The following MFSD8 variants were observed in gnomAD, a reference collection of about 807,000 sequenced individuals.
The protein encoded by MFSD8 is major facilitator superfamily domain containing 8.
In MFSD8, 55 loss-of-function variants were observed where a neutral mutation model predicts 66.4. The observed-to-expected ratio is 0.83, with a 90% CI of 0.67 to 1.04. MFSD8 has a LOEUF of 1.04. Ranked by LOEUF, MFSD8 falls within the 50% of genes least tolerant of loss-of-function variation. The probability of loss-of-function intolerance (pLI) is 0.00; values close to 1 mark genes in which losing one functional copy is unlikely to be tolerated. For missense variants in MFSD8, 550 were observed against 627.6 expected, an observed-to-expected ratio of 0.88 and a Z score of 1.32; for synonymous variants, 202 against 212.8, an observed-to-expected ratio of 0.95 and a Z score of 0.44.
At position 127,942,142 on chromosome 4, in the gene MFSD8, A is replaced by C; in HGVS notation, c.456T>G (p.Val152=). The C allele has an allele frequency of 6.2e-7, 1 of 1,612,218 alleles. No individual in the cohort carries two copies. Among genetic ancestry groups the C allele is most frequent in the Non-Finnish European group, 8.5e-7 (1 of 1,178,370 alleles). The change falls in exon 5 of 12, where the codon GTT becomes GTG. Residue 152 remains valine, a synonymous_variant. Transcript: ENST00000641686. ...LGIGAGNVAV[V]RSYTAGATSL... is the part of the protein sequence containing the mutation. ...AAGTAGCACCAGCAGTATATGATCT[A>C]ACAACTGCTACATTTCCTTAAAAAC... is the stretch of plus-strand genomic sequence containing the variant.
At chr4:127,942,183 A>G (rs770315445) in intron 4 of MFSD8, 25 bp from the exon 5 acceptor site, 1 of 1,490,446 alleles carries the variant, frequency 6.7e-7, no homozygotes, top group Non-Finnish European at 9.4e-7. Context: ...ACAATAATCC[A>G]AAGTAAAAGA....
intron 3 of MFSD8, chr4:127,945,477 G>A (rs1304677535): frequency 6.6e-6 from 1 of 151,828 alleles, no homozygotes; most frequent in African/African-American, 2.4e-5. Context: ...GCCACCACGT[G>A]GGCACAGCTA....
rs1736159115 is a variant in MFSD8, at chr4:127,920,147, T to A, written c.*483A>T. 6.3e-6 allele frequency: 1 copy of A among 159,698 alleles called. No individual in the cohort carries two copies. Among genetic ancestry groups the A allele is most frequent in the African/African-American group, 2.4e-5 (1 of 41,448 alleles). 9.9% of individuals were successfully genotyped at this position (159,698 alleles called of 1,614,324 possible). Reference sequence around the variant, plus strand: ...ATTTTTATTTCATAAGTGAACTTGATAATAGAAAATGCATTTTTTTATAAA... The same window carrying A: ...ATTTTTATTTCATAAGTGAACTTGAAAATAGAAAATGCATTTTTTTATAAA... On this transcript the variant is annotated 3_prime_UTR_variant, in exon 12 of 12. Transcript: ENST00000641686.
At chr4:127,965,259 GGCGGAAC>G (rs1259988204), upstream of MFSD8, 1 of 1,227,972 alleles carries the variant, frequency 8.1e-7, no homozygotes, top group African/African-American at 1.5e-5. Context: ...GTCAGACGTA[GGCGGAAC>G]GCCCCGAGGT....
chr4:127,953,935 AATAGAAAATAT>A (rs762325403), intron 2 of MFSD8, among the ~76,000 whole-genome samples: 4 of 152,244 alleles, frequency 2.6e-5, no homozygotes, highest in Non-Finnish European at 4.4e-5. Flanking sequence ...GATTGGGGTA[AATAGAAAATAT>A]ATGGAAAATA....
intron 1 of MFSD8, among the ~76,000 whole-genome samples, chr4:127,958,986 CA>C (rs1474857655): frequency 6.6e-6 from 1 of 152,166 alleles, no homozygotes; most frequent in Non-Finnish European, 1.5e-5. Context: ...CAAAGGCCCT[CA>C]AATGTCACCC....
At position 127,951,068 on chromosome 4, in the gene MFSD8, AG is replaced by A. The variant is rs1213708193; in HGVS notation, c.155-1222del. ...GTGAGACTCTGTCTCAAAAAAAAAA[AG>A]GAAAAAAAAGAAAAAATAAATTTAA... On this transcript the variant is annotated intron_variant, in intron 2 of 11. Coordinates refer to ENST00000641686, the MANE Select transcript of MFSD8 (RefSeq NM_001371596.2). Among the ~76,000 whole-genome samples, 5 of 151,854 alleles carry A rather than the reference AG, an allele frequency of 3.3e-5. No homozygotes were observed. In the East Asian group the frequency reaches 9.6e-4, roughly 29 times the overall value.
At chr4:127,956,031 A>T (rs1408193695) in intron 2 of MFSD8, among the ~76,000 whole-genome samples, 1 of 152,052 alleles carries the variant, frequency 6.6e-6, no homozygotes. Flanking sequence ...AGGCACAAGA[A>T]TTGCTCGAAC....
At chr4:127,954,915 G>A (rs903289769) in intron 2 of MFSD8, among the ~76,000 whole-genome samples, 1 of 152,242 alleles carries the variant, frequency 6.6e-6, no homozygotes, top group African/African-American at 2.4e-5. Context: ...TTAAGAAGAT[G>A]CAAATCAAAA....
intron 2 of MFSD8, among the ~76,000 whole-genome samples, chr4:127,957,083 C>A (rs189694302): frequency 6.6e-6 from 1 of 152,100 alleles, no homozygotes; most frequent in East Asian, 1.9e-4. Flanking sequence ...AACTATACAG[C>A]CTTTAAATAA....
rs190328042 is a variant in MFSD8 at position 127,929,277 on chromosome 4, C to T, written c.998+1406G>A. 3.2e-3 allele frequency among the ~76,000 whole-genome samples: 385 copies of T among 120,438 alleles called. 3 individuals are homozygous for T. Among genetic ancestry groups the T allele is most frequent in the African/African-American group, 0.012 (370 of 31,324 alleles). The allele number at this position is 120,438 out of a possible 152,430, so 79.0% of individuals were successfully genotyped here. On this transcript the variant is annotated intron_variant, in intron 9 of 11. Coordinates refer to ENST00000641686, the MANE Select transcript of MFSD8 (RefSeq NM_001371596.2). ...GGTGGAGGTTGCAGTGAGCTGAGAT[C>T]GTGCCACTGCACTCCAGCCTGGGCA...
At chr4:127,940,839 G>C (rs910115726) in intron 5 of MFSD8, among the ~76,000 whole-genome samples, 3 of 151,952 alleles carry the variant, frequency 2.0e-5, no homozygotes, top group Admixed American at 6.6e-5. Flanking sequence ...TATAACTCTA[G>C]GGTGAGGACT....
In MFSD8 at chr4:127,925,205, C is replaced by G. The variant is rs536668275; in HGVS notation, c.999-3242G>C. On this transcript the variant is annotated intron_variant, in intron 9 of 11. Transcript: ENST00000641686. ...GGGCAAGGACTTCATGTCTAAAACA[C>G]CAAAAGCAATGGCAACAAAAACCAA... is the stretch of plus-strand genomic sequence containing the variant. Among the ~76,000 whole-genome samples the G allele has an allele frequency of 9.4e-4, 143 of 152,206 alleles. 2 individuals are homozygous for G. Among genetic ancestry groups the G allele is most frequent in the African/African-American group, 3.3e-3 (136 of 41,534 alleles).
chr4:127,941,050 A>G (rs1740104824), intron 5 of MFSD8, among the ~76,000 whole-genome samples: 1 of 152,244 alleles, frequency 6.6e-6, no homozygotes, highest in South Asian at 2.1e-4. Context: ...TACTAAGAAC[A>G]TAAGTCTATA....
chr4:127,965,099 G>T lies in MFSD8; in HGVS notation c.35C>A (p.Pro12Gln). The T allele has an allele frequency of 1.2e-6, 2 of 1,613,934 alleles. No homozygotes were observed. The highest frequency in any genetic ancestry group is 1.7e-6 in the Non-Finnish European group (2 of 1,180,024). Reference protein sequence around the residue: ...AGLRNESEQEPLLGDTPGSRE... With the variant: ...AGLRNESEQEQLLGDTPGSRE... Reference sequence around the variant, plus strand: ...GCTTCCAGGTGTGTCGCCTAAGAGCGGCTCCTGTTCACTTTCGTTCCGCAG... The same window carrying T: ...GCTTCCAGGTGTGTCGCCTAAGAGCTGCTCCTGTTCACTTTCGTTCCGCAG... Residue 12 changes from proline (P) to glutamine (Q), a missense_variant, in exon 1 of 12, where the codon CCG becomes CAG. Transcript: ENST00000641686.
chr4:127,921,009 G>A, intron 11 of MFSD8, 173 bp from the exon 12 acceptor site: 1 of 633,648 alleles, frequency 1.6e-6, no homozygotes. Flanking sequence ...TATTAAGTCA[G>A]ATTAAAAAAA....
rs2148873145 is a variant in MFSD8, at chr4:127,930,645, T to C, written c.998+38A>G. 2.5e-6 allele frequency: 4 copies of C among 1,609,870 alleles called. No homozygotes were observed. The Middle Eastern group carries it at 6.7e-4, about 270-fold the overall frequency. On this transcript the variant is annotated intron_variant, in intron 9 of 11. Transcript: ENST00000641686. The stretch of plus-strand genomic sequence containing the variant: ...GTTAGCTCTGTTTTTTGTTTTATTT[T>C]TTAAAAACAGACATAAAACCAAAAA...
chr4:127,938,612 TAA>T lies in MFSD8; in HGVS notation c.754+169_754+170del, dbSNP rs377231451. Among the ~76,000 whole-genome samples the T allele has an allele frequency of 5.4e-4, 75 of 140,018 alleles. 2 individuals carry two copies. The highest frequency in any genetic ancestry group is 2.2e-3 in the African/African-American group (72 of 33,316). 91.9% of individuals were successfully genotyped at this position (140,018 alleles called of 152,430 possible). A position where few individuals can be genotyped will look rare whatever the true frequency, so the allele number is the denominator to read the frequency against. On this transcript the variant is annotated intron_variant, in intron 7 of 11. Transcript: ENST00000641686. ...AAAAAAAAATAAATAAATAAATAAA[TAA>T]ATAAATAAATAAATAAATAAATTTA...
chr4:127,924,018 C>T (rs1191352224), intron 9 of MFSD8, among the ~76,000 whole-genome samples: 1 of 152,048 alleles, frequency 6.6e-6, no homozygotes, highest in African/African-American at 2.4e-5. Flanking sequence ...AGGGAGGAGT[C>T]CCTCTTCTTC....
Sources: gnomAD v4.1 joint callset for allele counts (sites outside exome capture counted in the v4.1 genomes callset) on GRCh38, gnomAD v4.1.1 for gene constraint, MANE v1.5 for transcripts, NCBI Gene and HGNC (gene_info 2026-07-23, HGNC 2026-07-21) for gene names.